Variants in HS6ST3 observed in about 807,000 individuals in gnomAD.
HS6ST3 encodes the protein heparan sulfate 6-O-sulfotransferase 3.
HS6ST3 carries 12 observed loss-of-function variants against 36.7 expected under a neutral mutation model. That is an observed-to-expected ratio of 0.33 (90% CI 0.21 to 0.53). HS6ST3 has a LOEUF of 0.53. Among genes scored for constraint, HS6ST3 ranks in the 20% least tolerant of loss-of-function variants. The pLI is 0.95. For synonymous variants in HS6ST3, 240 were observed against 257.5 expected (o/e 0.93, Z 0.65); for missense variants, 584 against 640.9 (o/e 0.91, Z 0.96).
At chr13:96,580,126 A>G (rs1458450330) in intron 1 of HS6ST3, among the ~76,000 whole-genome samples, 1 of 150,940 alleles carries the variant, frequency 6.6e-6, no homozygotes, top group Non-Finnish European at 1.5e-5. Flanking sequence ...CTAAGAGTCA[A>G]TTTGACTGAG....
At chr13:96,315,826 T>A (rs2054966167) in intron 1 of HS6ST3, among the ~76,000 whole-genome samples, 1 of 152,120 alleles carries the variant, frequency 6.6e-6, no homozygotes, top group Non-Finnish European at 1.5e-5. Flanking sequence ...ATAGGTAAAA[T>A]AGATACCCAA....
At chr13:96,774,140 T>C (rs1329424525) in intron 1 of HS6ST3, among the ~76,000 whole-genome samples, 1 of 151,978 alleles carries the variant, frequency 6.6e-6, no homozygotes, top group Admixed American at 6.6e-5. Context: ...TCAACATCAT[T>C]AAAAAGGACG....
At chr13:96,162,733 A>G (rs143063801) in intron 1 of HS6ST3, among the ~76,000 whole-genome samples, 1 of 152,360 alleles carries the variant, frequency 6.6e-6, no homozygotes, top group Middle Eastern at 3.4e-3. Flanking sequence ...TTAAAAATTT[A>G]TCACAGTTAA....
At chr13:96,779,935 T>G (rs1877483760) in intron 1 of HS6ST3, among the ~76,000 whole-genome samples, 1 of 152,168 alleles carries the variant, frequency 6.6e-6, no homozygotes, top group Non-Finnish European at 1.5e-5. Flanking sequence ...GTGGAATGTA[T>G]TGCTGAATGG....
At chr13:96,480,458 CTGTGTGCG>C (rs2055885269) in intron 1 of HS6ST3, among the ~76,000 whole-genome samples, 1 of 151,990 alleles carries the variant, frequency 6.6e-6, no homozygotes, top group Admixed American at 6.6e-5. Context: ...TTAAGTGTGA[CTGTGTGCG>C]TGTGTGCATG....
chr13:96,118,288 G>A (rs1036189363), intron 1 of HS6ST3, among the ~76,000 whole-genome samples: 10 of 152,092 alleles, frequency 6.6e-5, no homozygotes, highest in African/African-American at 2.4e-4. Context: ...TAGAGATTAG[G>A]ATACAGACAC....
intron 1 of HS6ST3, among the ~76,000 whole-genome samples, chr13:96,134,692 T>C (rs1330377934): frequency 6.6e-6 from 1 of 152,200 alleles, no homozygotes; most frequent in Non-Finnish European, 1.5e-5. Context: ...TACAAGGACA[T>C]TCTTGCCTCT....
At chr13:96,092,961 A>C (rs1185246467) in intron 1 of HS6ST3, among the ~76,000 whole-genome samples, 1 of 152,148 alleles carries the variant, frequency 6.6e-6, no homozygotes, top group Non-Finnish European at 1.5e-5. Context: ...TTAATAGTGT[A>C]TTACTTTGGA....
intron 1 of HS6ST3, among the ~76,000 whole-genome samples, chr13:96,430,325 T>G (rs1349100951): frequency 6.6e-6 from 1 of 152,168 alleles, no homozygotes; most frequent in Non-Finnish European, 1.5e-5. Flanking sequence ...ATATTCAAAA[T>G]TGGCTGTCTT....
chr13:96,591,315 C>T (rs577782314), intron 1 of HS6ST3, among the ~76,000 whole-genome samples: 1 of 152,046 alleles, frequency 6.6e-6, no homozygotes, highest in African/African-American at 2.4e-5. Flanking sequence ...ATTTAGTGTT[C>T]TTCCAATCTA....
At chr13:96,787,187 T>A (rs1363653288) in intron 1 of HS6ST3, among the ~76,000 whole-genome samples, 1 of 152,168 alleles carries the variant, frequency 6.6e-6, no homozygotes, top group Non-Finnish European at 1.5e-5. Context: ...CTATAAACAT[T>A]TGTGAACAAG....
intron 1 of HS6ST3, among the ~76,000 whole-genome samples, chr13:96,334,987 G>A (rs2048510236): frequency 1.3e-5 from 2 of 152,186 alleles, no homozygotes; most frequent in Admixed American, 6.5e-5. Flanking sequence ...AGGAGGATAG[G>A]TGTTCAGAGA....
chr13:96,762,599 GTGGGT>G (rs746484326), intron 1 of HS6ST3, among the ~76,000 whole-genome samples: 2 of 152,158 alleles, frequency 1.3e-5, no homozygotes, highest in African/African-American at 2.4e-5. Context: ...AATCTCTCTC[GTGGGT>G]TGGTTCTGTG....
At chr13:96,117,207 A>G (rs2053897829) in intron 1 of HS6ST3, among the ~76,000 whole-genome samples, 1 of 152,158 alleles carries the variant, frequency 6.6e-6, no homozygotes, top group Non-Finnish European at 1.5e-5. Context: ...AGGAGTCCTT[A>G]TTTCTGTAGC....
At chr13:96,160,177 G>A (rs2054129258) in intron 1 of HS6ST3, among the ~76,000 whole-genome samples, 1 of 152,140 alleles carries the variant, frequency 6.6e-6, no homozygotes, top group African/African-American at 2.4e-5. Flanking sequence ...TTTTAATAGA[G>A]CACATTGTAT....
At chr13:96,611,370 A>G (rs1207290584) in intron 1 of HS6ST3, among the ~76,000 whole-genome samples, 1 of 152,102 alleles carries the variant, frequency 6.6e-6, no homozygotes, top group Non-Finnish European at 1.5e-5. Context: ...GAGATTTAGT[A>G]GTAGTTTTTA....
intron 1 of HS6ST3, among the ~76,000 whole-genome samples, chr13:96,807,399 A>G (rs9516758): frequency 0.08 from 12,112 of 152,252 alleles, 513 homozygotes; most frequent in Middle Eastern, 0.15. Context: ...AGGTTATACC[A>G]GAGTAGGGTG....
chr13:96,688,995 G>A (rs976163650), intron 1 of HS6ST3, among the ~76,000 whole-genome samples: 2 of 151,986 alleles, frequency 1.3e-5, no homozygotes, highest in Non-Finnish European at 2.9e-5. Flanking sequence ...TATTATTTGG[G>A]TCTTCTGCTA....
chr13:96,596,302 T>C (rs2056401261), intron 1 of HS6ST3, among the ~76,000 whole-genome samples: 1 of 152,198 alleles, frequency 6.6e-6, no homozygotes, highest in Non-Finnish European at 1.5e-5. Flanking sequence ...TTAGTAATAT[T>C]CCATGGTGTG....
Sources: allele counts gnomAD v4.1 joint callset (sites outside exome capture counted in the v4.1 genomes callset), GRCh38; gene constraint gnomAD v4.1.1; transcripts MANE v1.5; gene names NCBI Gene and HGNC (gene_info 2026-07-23, HGNC 2026-07-21).